VDR: variants seen among roughly 807,000 people sequenced by gnomAD.
VDR encodes the protein vitamin D receptor, also known as vitamin D3 receptor.
A neutral mutation model predicts 39.7 loss-of-function variants in VDR; 19 were observed. The observed-to-expected ratio is 0.48, with a 90% confidence interval of 0.33 to 0.70. The LOEUF is 0.70. Among genes scored for constraint, VDR ranks in the 30% least tolerant of loss-of-function variants. The probability of loss-of-function intolerance (pLI) is 0.02; values close to 1 mark genes in which losing one functional copy is unlikely to be tolerated. For synonymous variants in VDR, 242 were observed against 215.8 expected (o/e 1.12, Z -1.07); for missense variants, 442 against 570.5 (o/e 0.77, Z 2.29).
Position 47,887,322 on chromosome 12 carries a change from C to CAAAAAAA in VDR, c.-83-4555_-83-4549dup, listed in dbSNP as rs10686139. Among the ~76,000 whole-genome samples the CAAAAAAA allele has an allele frequency of 2.7e-3, 191 of 71,386 alleles. 4 individuals carry two copies. Among genetic ancestry groups the CAAAAAAA allele is most frequent in the African/African-American group, 4.3e-3 (76 of 17,742 alleles). 46.8% of individuals were successfully genotyped at this position (71,386 alleles called of 152,430 possible). On this transcript the variant is annotated intron_variant, in intron 1 of 9. Transcript: ENST00000549336. ...GGGCGACAAGAGTAAAACTCCGTCT[C>CAAAAAAA]AAAAAAAAAAAAAAAAAAACAAAGG...
intron 4 of VDR, among the ~76,000 whole-genome samples, chr12:47,859,977 T>TTCTC (rs1945593885): frequency 6.9e-6 from 1 of 145,560 alleles, no homozygotes; most frequent in Non-Finnish European, 1.5e-5. Context: ...CTTTCTTTCT[T>TTCTC]TCTTTCACAG....
At chr12:47,869,673 T>C (rs567174142) in intron 3 of VDR, among the ~76,000 whole-genome samples, 5 of 151,924 alleles carry the variant, frequency 3.3e-5, no homozygotes, top group East Asian at 3.9e-4. Flanking sequence ...GGTGGGCAGA[T>C]AGCTTAGGCT....
chr12:47,850,288 G>A (rs1400678381), intron 7 of VDR, among the ~76,000 whole-genome samples: 1 of 152,138 alleles, frequency 6.6e-6, no homozygotes, highest in African/African-American at 2.4e-5. Flanking sequence ...ATTTAGCCCA[G>A]TTCTTAGAGG....
rs1053296899 is a variant in VDR, at chr12:47,904,947, G to C, written c.-84+8C>G. 9.9e-6 allele frequency: 2 copies of C among 201,190 alleles called. No homozygotes were observed. The allele number at this position is 201,190 out of a possible 1,614,324, so 12.5% of individuals were successfully genotyped here. A position where few individuals can be genotyped will look rare whatever the true frequency, so the allele number is the denominator to read the frequency against. The stretch of plus-strand genomic sequence containing the variant: ...AGACCCCCTTTCCCGCTGCTCCCGG[G>C]TTCGCACCTGGTCCGGCCGGCGGGT... On this transcript the variant is annotated splice_region_variant and intron_variant, in intron 1 of 9. Transcript: ENST00000549336.
intron 1 of VDR, chr12:47,901,306 G>T (rs914010022): frequency 6.4e-6 from 1 of 155,120 alleles, no homozygotes; most frequent in African/African-American, 2.4e-5. Flanking sequence ...TTTGCATCTG[G>T]ACCATGAGGA....
Position 47,892,762 on chromosome 12 carries a change from C to T in VDR, c.-83-9988G>A, listed in dbSNP as rs947783015. On this transcript the variant is annotated intron_variant, in intron 1 of 9. Coordinates refer to ENST00000549336, the MANE Select transcript of VDR (RefSeq NM_000376.3). The stretch of plus-strand genomic sequence containing the variant: ...AACAGGAACCTCCAATTCAGTACGA[C>T]ACATCCTACGATCCAGGTAAGTGCC... Among the ~76,000 whole-genome samples the T allele has an allele frequency of 3.3e-5, 5 of 152,154 alleles. No homozygotes were observed. In the East Asian group the frequency reaches 9.6e-4, roughly 29 times the overall value.
At chr12:47,901,276 G>A (rs979317745) in intron 1 of VDR, 1 of 155,138 alleles carries the variant, frequency 6.4e-6, no homozygotes, top group Non-Finnish European at 1.5e-5. Context: ...CCACAGGCTG[G>A]ACCTCTGGGG....
chr12:47,882,564 A>G, intron 2 of VDR, 130 bp downstream of exon 2: 1 of 753,140 alleles, frequency 1.3e-6, no homozygotes, highest in Non-Finnish European at 2.2e-6. Context: ...CTGGCCCGGG[A>G]CCCACCTTGC....
At chr12:47,857,912 A>G (rs1945527499) in intron 4 of VDR, among the ~76,000 whole-genome samples, 1 of 152,058 alleles carries the variant, frequency 6.6e-6, no homozygotes, top group Non-Finnish European at 1.5e-5. Context: ...AGAGGATTTG[A>G]GAGGGGGGAT....
chr12:47,891,886 G>A (rs964404080), intron 1 of VDR, among the ~76,000 whole-genome samples: 7 of 152,052 alleles, frequency 4.6e-5, no homozygotes, highest in East Asian at 1.9e-4. Context: ...CCAGGGCAGC[G>A]GCACCACCAC....
At chr12:47,871,292 C>CTCTTTCTCTTTCTTTCTTTCTT (rs1555153495) in intron 3 of VDR, among the ~76,000 whole-genome samples, 2 of 79,854 alleles carry the variant, frequency 2.5e-5, no homozygotes, top group Admixed American at 1.5e-4. Flanking sequence ...CTTTCTCTTT[C>CTCTTTCTCTTTCTTTCTTTCTT]TCTTTCTTTC....
chr12:47,869,203 C>T (rs1014740456), intron 3 of VDR, among the ~76,000 whole-genome samples: 5 of 152,200 alleles, frequency 3.3e-5, no homozygotes, highest in Non-Finnish European at 7.3e-5. Context: ...GAGATTGCCA[C>T]TCAGCCCCAC....
At position 47,845,054 on chromosome 12, in the gene VDR, C is replaced by A. The variant is rs7975232; in HGVS notation, c.1025-49G>T. On this transcript the variant is annotated intron_variant, in intron 9 of 9. Transcript: ENST00000549336. ...AAGGCACAGGAGCTCTCAGCTGGGC[C>A]CCTCACTGCTCAATCCCACCACCCC... is the stretch of plus-strand genomic sequence containing the variant. 844,296 of 1,600,160 alleles carry A rather than the reference C, an allele frequency of 0.53. 225,512 individuals are homozygous for A. Among genetic ancestry groups the A allele is most frequent in the African/African-American group, 0.63 (47,046 of 74,546 alleles).
chr12:47,899,957 C>T, intron 1 of VDR: 1 of 985,584 alleles, frequency 1.0e-6, no homozygotes, highest in Non-Finnish European at 1.2e-6. Context: ...GGTTCAGGAG[C>T]CCTTAAGGGA....
intron 4 of VDR, among the ~76,000 whole-genome samples, chr12:47,861,658 G>C (rs1468627168): frequency 6.6e-6 from 1 of 152,058 alleles, no homozygotes; most frequent in Non-Finnish European, 1.5e-5. Flanking sequence ...AAGAGTGTTG[G>C]GCTGTCTGGT....
chr12:47,885,420 C>T (rs1018501741), intron 1 of VDR, among the ~76,000 whole-genome samples: 3 of 152,254 alleles, frequency 2.0e-5, no homozygotes, highest in East Asian at 3.8e-4. Context: ...CCCCATCTTG[C>T]GGCAGCTTCT....
chr12:47,891,339 T>C (rs1946365166), intron 1 of VDR, among the ~76,000 whole-genome samples: 1 of 152,218 alleles, frequency 6.6e-6, no homozygotes, highest in Non-Finnish European at 1.5e-5. Flanking sequence ...TGGCACACCA[T>C]AAGCTTTATG....
chr12:47,855,535 A>T (rs995005057), intron 7 of VDR, 95 bp downstream of exon 7: 3 of 1,452,898 alleles, frequency 2.1e-6, no homozygotes, highest in Non-Finnish European at 2.8e-6. Context: ...ATAAAAAATA[A>T]AAAAAAGAAG....
At chr12:47,869,467 T>C (rs1250141825) in intron 3 of VDR, among the ~76,000 whole-genome samples, 10 of 121,618 alleles carry the variant, frequency 8.2e-5, no homozygotes, top group Admixed American at 2.3e-4. Context: ...ACCCGGGAGG[T>C]GGAGCTTGCA....
Sources: allele counts gnomAD v4.1 joint callset (sites outside exome capture counted in the v4.1 genomes callset), GRCh38; gene constraint gnomAD v4.1.1; transcripts MANE v1.5; gene names NCBI Gene and HGNC (gene_info 2026-07-23, HGNC 2026-07-21).